The following COPB1 variants were observed in gnomAD, a reference collection of about 807,000 sequenced individuals.
COPB1 encodes coatomer subunit beta.
Under a neutral mutation model 108.7 loss-of-function variants are expected in COPB1, and 21 were observed. The observed-to-expected ratio is 0.19, with a 90% CI of 0.14 to 0.28. COPB1 has a LOEUF of 0.28. Among genes scored for constraint, COPB1 ranks in the 10% least tolerant of loss-of-function variants. The pLI, the probability that COPB1 is intolerant of heterozygous loss-of-function variation, is 1.00. For synonymous variants in COPB1, 378 were observed against 386.8 expected, an observed-to-expected ratio of 0.98 and a Z score of 0.27; for missense variants, 919 against 1,141.3, an observed-to-expected ratio of 0.81 and a Z score of 2.81.
chr11:14,481,474 TAAA>T (rs901399142), intron 8 of COPB1, among the ~76,000 whole-genome samples: 1 of 151,736 alleles, frequency 6.6e-6, no homozygotes, highest in Admixed American at 6.6e-5. Flanking sequence ...ATCAGTGTCA[TAAA>T]AAAAAGATAC....
In COPB1 at chr11:14,460,283, G is replaced by C; in HGVS notation, c.2571C>G (p.Thr857=). ...AGTAGTCATTTAAATCAACCATGTT[G>C]GTGTTAACTGTCACCTGTAGAGAGG... is the stretch of plus-strand genomic sequence containing the variant. ...FEWENKVTVN[T]NMVDLNDYLQ... is the part of the protein sequence containing the mutation. Residue 857 remains threonine (T), a synonymous_variant, in exon 20 of 22, where the codon ACC becomes ACG. Coordinates refer to ENST00000439561, the MANE Select transcript of COPB1 (RefSeq NM_001144061.2). 1 of 1,607,742 alleles carries C rather than the reference G, an allele frequency of 6.2e-7. No homozygotes were observed. Among genetic ancestry groups the C allele is most frequent in the South Asian group, 1.1e-5 (1 of 90,354 alleles).
At chr11:14,484,443 G>T (rs554524748) in intron 7 of COPB1, among the ~76,000 whole-genome samples, 1 of 152,334 alleles carries the variant, frequency 6.6e-6, no homozygotes, top group East Asian at 1.9e-4. Context: ...GTCCTCATCG[G>T]GCATGGTGGC....
At position 14,489,005 on chromosome 11, in the gene COPB1, T is replaced by C. The variant is rs1188175136; in HGVS notation, c.607-421A>G. Among the ~76,000 whole-genome samples, 3 of 152,164 alleles carry C rather than the reference T, an allele frequency of 2.0e-5. No homozygotes were observed. The East Asian group carries it at 5.8e-4, about 29-fold the overall frequency. On this transcript the variant is annotated intron_variant, in intron 5 of 21. Coordinates refer to ENST00000439561, the MANE Select transcript of COPB1 (RefSeq NM_001144061.2). ...GCTGAAAACATCTCTCCAGTAAAAG[T>C]ATCAATAAATTTTATTGGACTATTT...
chr11:14,496,633 C>T (rs1851026091), intron 2 of COPB1, among the ~76,000 whole-genome samples: 1 of 151,348 alleles, frequency 6.6e-6, no homozygotes, highest in South Asian at 2.1e-4. Flanking sequence ...CCACCCAAAG[C>T]AATCTAGAGT....
At chr11:14,458,438 G>A in intron 21 of COPB1, 94 bp downstream of exon 21, 2 of 1,237,572 alleles carry the variant, frequency 1.6e-6, no homozygotes, top group Non-Finnish European at 2.2e-6. Flanking sequence ...TGCATCTAAT[G>A]CTAAAAAGAT....
At chr11:14,470,959 A>C (rs2575833) in intron 14 of COPB1, among the ~76,000 whole-genome samples, 69,354 of 120,868 alleles carry the variant, frequency 0.57, 17,228 homozygotes, top group East Asian at 0.64. Context: ...CTCTCTCTCT[A>C]CACCCAGGGA....
chr11:14,476,990 G>A lies in COPB1; in HGVS notation c.1384C>T (p.Leu462=), dbSNP rs772128370. The A allele has an allele frequency of 6.2e-7, 1 of 1,611,158 alleles. No individual in the cohort carries two copies. Among genetic ancestry groups the A allele is most frequent in the South Asian group, 1.1e-5 (1 of 91,034 alleles). Residue 462 remains leucine, a synonymous_variant, in exon 12 of 22, where the codon CTG becomes TTG. Coordinates refer to ENST00000439561, the MANE Select transcript of COPB1 (RefSeq NM_001144061.2). ...TCCTTGGTACTACAGTATTCTCCCAGGATCCATAATGCTCCTCGGTAAATC... is the reference window on the plus strand; with the variant it reads ...TCCTTGGTACTACAGTATTCTCCCAAGATCCATAATGCTCCTCGGTAAATC... ...VKIYRGALWI[L]GEYCSTKEDI...
rs187147142 is a variant in COPB1, at chr11:14,491,095, G to A, written c.492-416C>T. Among the ~76,000 whole-genome samples the A allele has an allele frequency of 3.7e-3, 566 of 151,614 alleles. 16 individuals are homozygous for A. Among genetic ancestry groups the A allele is most frequent in the East Asian group, 1.6e-3 (8 of 5,088 alleles). On this transcript the variant is annotated intron_variant, in intron 4 of 21. Transcript: ENST00000439561. ...GAGCCACCGTGCCCAGACAAGGCTA[G>A]AGTGCAGTGGAGTGATCTCGGCTTA... is the stretch of plus-strand genomic sequence containing the variant.
chr11:14,490,718 C>T, intron 4 of COPB1, 39 bp from the exon 5 acceptor site: 1 of 1,107,406 alleles, frequency 9.0e-7, no homozygotes, highest in African/African-American at 1.6e-5. Flanking sequence ...TTAATAAAAG[C>T]CTACTTTACT....
Position 14,481,041 on chromosome 11 carries a change from C to A in COPB1, c.1014G>T (p.Lys338Asn), listed in dbSNP as rs1850649809. 1 of 1,613,816 alleles carries A rather than the reference C, an allele frequency of 6.2e-7. No individual in the cohort carries two copies. Among genetic ancestry groups the A allele is most frequent in the African/African-American group, 1.3e-5 (1 of 74,924 alleles). ...VLSTPDLEVR[K>N]KTLQLALDLV... ...GATCCAGTGCTAACTGCAGAGTTTTCTTTCGTACTTCTAAGTCTGGTGTGC... is the reference window on the plus strand; with the variant it reads ...GATCCAGTGCTAACTGCAGAGTTTTATTTCGTACTTCTAAGTCTGGTGTGC... The change falls in exon 9 of 22, where the codon AAG becomes AAT. Residue 338 changes from lysine to asparagine, a missense_variant. Around this residue, in one of 5 missense-constraint regions of COPB1, gnomAD observed 705 missense variants for 817.8 expected, o/e 0.86. Coordinates refer to ENST00000439561, the MANE Select transcript of COPB1 (RefSeq NM_001144061.2).
Position 14,466,166 on chromosome 11 carries a change from C to A in COPB1, c.2290+116G>T. On this transcript the variant is annotated intron_variant, in intron 17 of 21. Coordinates refer to ENST00000439561, the MANE Select transcript of COPB1 (RefSeq NM_001144061.2). ...ATAAATGAAAAACTAAGCCTTGATT[C>A]AAAATGTCAGAAAAGGTTCAAGAGA... 3.9e-6 allele frequency: 4 copies of A among 1,019,362 alleles called. No individual in the cohort carries two copies. The South Asian group carries it at 6.9e-5, about 17-fold the overall frequency. The allele number at this position is 1,019,362 out of a possible 1,614,324, so 63.1% of individuals were successfully genotyped here.
At position 14,483,135 on chromosome 11, in the gene COPB1, T is replaced by C. The variant is rs1255871664; in HGVS notation, c.854A>G (p.Tyr285Cys). Residue 285 changes from tyrosine (Y) to cysteine (C), a missense_variant, in exon 8 of 22, where the codon TAC (tyrosine) becomes TGC (cysteine). Coordinates refer to ENST00000439561, the MANE Select transcript of COPB1 (RefSeq NM_001144061.2). ...PTAIKAAAQC[Y>C]IDLIIKESDN... is the part of the protein sequence containing the mutation. ...GCTCTCCTTAATAATTAAATCAATG[T>C]AACACTGAGCAGCAGCCTATATAAA... is the stretch of plus-strand genomic sequence containing the variant. 1.8e-5 allele frequency: 28 copies of C among 1,573,700 alleles called. No homozygotes were observed. Among genetic ancestry groups the C allele is most frequent in the Non-Finnish European group, 2.3e-5 (26 of 1,150,186 alleles).
At position 14,457,588 on chromosome 11, in the gene COPB1, C is replaced by T. The variant is rs905069252; in HGVS notation, c.*236G>A. 2.7e-6 allele frequency: 1 copy of T among 364,234 alleles called. No individual in the cohort carries two copies. The highest frequency in any genetic ancestry group is 3.7e-5 in the South Asian group (1 of 27,188). 22.6% of individuals were successfully genotyped at this position (364,234 alleles called of 1,614,324 possible). ...CTGTTTATTGTACTGTGAAAAGGGT[C>T]TTGGTACATGAAACATTATATACTT... On this transcript the variant is annotated 3_prime_UTR_variant, in exon 22 of 22. Transcript: ENST00000439561.
At chr11:14,477,425 C>T (rs1850551350) in intron 11 of COPB1, among the ~76,000 whole-genome samples, 1 of 137,964 alleles carries the variant, frequency 7.2e-6, no homozygotes, top group East Asian at 2.2e-4. Context: ...GGCACGGTGG[C>T]TCACGCCTGT....
intron 10 of COPB1, 76 bp from the exon 11 acceptor site, chr11:14,479,790 T>C: frequency 7.5e-7 from 1 of 1,337,256 alleles, no homozygotes; most frequent in Non-Finnish European, 1.0e-6. Context: ...AGAAATAAAT[T>C]AAAAGAATGT....
intron 12 of COPB1, 118 bp from the exon 13 acceptor site, chr11:14,476,063 G>T (rs1850513829): frequency 2.5e-6 from 2 of 809,692 alleles, no homozygotes; most frequent in Non-Finnish European, 3.7e-6. Flanking sequence ...TTTGGAACTG[G>T]GAACTCTGCT....
intron 2 of COPB1, among the ~76,000 whole-genome samples, chr11:14,497,392 C>G (rs1449720044): frequency 6.6e-6 from 1 of 150,538 alleles, no homozygotes; most frequent in African/African-American, 2.4e-5. Flanking sequence ...AAGATTTGAA[C>G]AGACATTTCA....
chr11:14,465,754 T>G (rs945636780), intron 17 of COPB1, among the ~76,000 whole-genome samples: 5 of 152,190 alleles, frequency 3.3e-5, no homozygotes, highest in Non-Finnish European at 2.9e-5. Flanking sequence ...ATATGAAATC[T>G]GATGGGGGTA....
At chr11:14,479,932 C>T (rs1342307062) in intron 10 of COPB1, among the ~76,000 whole-genome samples, 1 of 152,080 alleles carries the variant, frequency 6.6e-6, no homozygotes, top group Non-Finnish European at 1.5e-5. Flanking sequence ...TCAGCCTCCC[C>T]AGGAGCTAGG....
Sources: gnomAD v4.1 joint callset for allele counts (sites outside exome capture counted in the v4.1 genomes callset) on GRCh38, gnomAD v4.1.1 for gene constraint, gnomAD v4.1.1 regional missense constraint, MANE v1.5 for transcripts, NCBI Gene and HGNC (gene_info 2026-07-23, HGNC 2026-07-21) for gene names.